Variants in JAKMIP2 observed in about 807,000 individuals in gnomAD.
JAKMIP2 encodes the protein janus kinase and microtubule interacting protein 2.
Under a neutral mutation model 115.0 loss-of-function variants are expected in JAKMIP2, and 25 were observed. The ratio of observed to expected loss-of-function variants is 0.22; its 90% CI spans 0.16 to 0.30. The LOEUF is 0.30. Ranked by LOEUF, JAKMIP2 falls within the 10% of genes least tolerant of loss-of-function variation. JAKMIP2 has a pLI of 1.00. For synonymous variants in JAKMIP2, 334 were observed against 343.6 expected (o/e 0.97, Z 0.31); for missense variants, 642 against 957.6 (o/e 0.67, Z 4.35).
chr5:147,660,806 A>G (rs906095423), intron 3 of JAKMIP2, 142 bp downstream of exon 3: 11 of 890,226 alleles, frequency 1.2e-5, no homozygotes, highest in Non-Finnish European at 1.6e-5. Flanking sequence ...ATACTGATCT[A>G]TCTTGGATAG....
rs936202830 is a variant in JAKMIP2, at chr5:147,589,024, C to A, written c.*2683G>T. 1 of 152,066 alleles carries A rather than the reference C, an allele frequency of 6.6e-6. No individual in the cohort carries two copies. The highest frequency in any genetic ancestry group is 1.5e-5 in the Non-Finnish European group (1 of 68,020). 9.4% of individuals were successfully genotyped at this position (152,066 alleles called of 1,614,324 possible). ...TAGATATGTGAGAGTAATTTATCCT[C>A]TTCCATATTTTCTGACTCAAGTTGG... is the stretch of plus-strand genomic sequence containing the variant. On this transcript the variant is annotated 3_prime_UTR_variant, in exon 22 of 22. Transcript: ENST00000616793.
At chr5:147,669,022 C>T (rs1759447512) in intron 2 of JAKMIP2, among the ~76,000 whole-genome samples, 1 of 152,186 alleles carries the variant, frequency 6.6e-6, no homozygotes, top group Admixed American at 6.5e-5. Flanking sequence ...CCCATTACCC[C>T]AAAGGTTTCC....
intron 21 of JAKMIP2, chr5:147,595,434 C>G (rs978466694): frequency 2.2e-6 from 1 of 456,998 alleles, no homozygotes; most frequent in African/African-American, 2.0e-5. Context: ...GCTTTGCCCC[C>G]TCCAGGGGAT....
intron 19 of JAKMIP2, among the ~76,000 whole-genome samples, chr5:147,614,568 T>C (rs890518050): frequency 2.4e-4 from 36 of 152,244 alleles, no homozygotes; most frequent in African/African-American, 8.4e-4. Context: ...TTCTACCTGC[T>C]CTTCCTGCCT....
intron 1 of JAKMIP2, among the ~76,000 whole-genome samples, chr5:147,707,734 G>A (rs901884431): frequency 2.4e-4 from 37 of 152,228 alleles, no homozygotes; most frequent in African/African-American, 8.4e-4. Context: ...GCACAACAGT[G>A]GGTTTTGATA....
intron 1 of JAKMIP2, among the ~76,000 whole-genome samples, chr5:147,681,243 G>A (rs993214262): frequency 2.6e-5 from 4 of 152,116 alleles, no homozygotes; most frequent in Non-Finnish European, 5.9e-5. Context: ...TCTTTAAGGG[G>A]GACTGCCAGG....
At chr5:147,775,460 G>A (rs930762769) in intron 1 of JAKMIP2, among the ~76,000 whole-genome samples, 1 of 151,992 alleles carries the variant, frequency 6.6e-6, no homozygotes, top group Non-Finnish European at 1.5e-5. Context: ...GAATTAAAAG[G>A]TATTCATTAA....
intron 3 of JAKMIP2, chr5:147,660,626 A>T: frequency 5.6e-6 from 2 of 358,718 alleles, no homozygotes; most frequent in Admixed American, 3.7e-5. Context: ...TTTTATAAAT[A>T]TCTAAGAAAA....
chr5:147,758,295 G>A (rs764208989), intron 1 of JAKMIP2, among the ~76,000 whole-genome samples: 5 of 152,216 alleles, frequency 3.3e-5, no homozygotes, highest in Admixed American at 1.3e-4. Flanking sequence ...TGTTGGTAAC[G>A]AAAAGGCATA....
At chr5:147,755,440 C>A (rs1754711148) in intron 1 of JAKMIP2, among the ~76,000 whole-genome samples, 1 of 152,128 alleles carries the variant, frequency 6.6e-6, no homozygotes, top group Non-Finnish European at 1.5e-5. Flanking sequence ...ACGGGCTCAT[C>A]CTTAATCTCA....
intron 1 of JAKMIP2, among the ~76,000 whole-genome samples, chr5:147,725,557 G>A (rs1305933499): frequency 1.3e-5 from 2 of 152,130 alleles, no homozygotes; most frequent in African/African-American, 4.8e-5. Flanking sequence ...GAAATAGACT[G>A]CAGAACCAAT....
At chr5:147,603,990 C>G (rs1755858701) in intron 20 of JAKMIP2, among the ~76,000 whole-genome samples, 1 of 151,956 alleles carries the variant, frequency 6.6e-6, no homozygotes. Context: ...GGAAGAATAG[C>G]CTTAACTTTG....
intron 21 of JAKMIP2, among the ~76,000 whole-genome samples, chr5:147,600,031 T>A (rs1755612851): frequency 6.6e-6 from 1 of 151,742 alleles, no homozygotes; most frequent in Admixed American, 6.6e-5. Flanking sequence ...TAAACCACCA[T>A]GTATTACTTG....
intron 21 of JAKMIP2, among the ~76,000 whole-genome samples, chr5:147,593,020 G>A (rs892107069): frequency 7.9e-5 from 12 of 152,186 alleles, no homozygotes; most frequent in African/African-American, 2.9e-4. Flanking sequence ...GTACGAAGAG[G>A]CGTAAAGATA....
chr5:147,737,390 A>G (rs2126985220), intron 1 of JAKMIP2, among the ~76,000 whole-genome samples: 1 of 152,294 alleles, frequency 6.6e-6, no homozygotes, highest in Non-Finnish European at 1.5e-5. Context: ...TAGCACTGAG[A>G]TTTTTATTTT....
chr5:147,624,964 C>T (rs1195343948), intron 16 of JAKMIP2, among the ~76,000 whole-genome samples: 2 of 150,852 alleles, frequency 1.3e-5, no homozygotes, highest in Non-Finnish European at 2.9e-5. Context: ...CTACAAGGTA[C>T]TATTTATTTA....
intron 1 of JAKMIP2, among the ~76,000 whole-genome samples, chr5:147,684,818 G>T (rs1298492350): frequency 6.6e-6 from 1 of 152,152 alleles, no homozygotes; most frequent in Non-Finnish European, 1.5e-5. Context: ...ATTAGAGGCT[G>T]TAGGTCCTGA....
chr5:147,673,627 G>T (rs974332836), intron 1 of JAKMIP2, among the ~76,000 whole-genome samples: 1 of 152,126 alleles, frequency 6.6e-6, no homozygotes, highest in Non-Finnish European at 1.5e-5. Context: ...TGTCCTTCAC[G>T]CTTCCTTTGC....
intron 21 of JAKMIP2, among the ~76,000 whole-genome samples, chr5:147,599,479 C>T (rs779164974): frequency 1.3e-5 from 2 of 152,142 alleles, no homozygotes; most frequent in Non-Finnish European, 2.9e-5. Context: ...TCACATTCAT[C>T]GGCTATATTA....
Sources: allele counts gnomAD v4.1 joint callset (sites outside exome capture counted in the v4.1 genomes callset), GRCh38; gene constraint gnomAD v4.1.1; transcripts MANE v1.5; gene names NCBI Gene and HGNC (gene_info 2026-07-23, HGNC 2026-07-21).